GYPC: variants seen among roughly 807,000 people sequenced by gnomAD.
The protein encoded by GYPC is glycophorin-C.
In GYPC, 14 loss-of-function variants were observed where a neutral mutation model predicts 12.6. That is an observed-to-expected ratio of 1.11 (90% CI 0.74 to 1.74). The LOEUF (loss-of-function observed/expected upper bound fraction) is 1.74, where lower values mean the gene tolerates loss of function less well. Among genes scored for constraint, GYPC ranks in the 40% most tolerant of loss-of-function variants. The pLI, the probability that GYPC is intolerant of heterozygous loss-of-function variation, is 0.00. For synonymous variants in GYPC, 78 were observed against 62.1 expected, an observed-to-expected ratio of 1.26 and a Z score of -1.20; for missense variants, 225 against 172.1, an observed-to-expected ratio of 1.31 and a Z score of -1.72.
At chr2:126,691,870 G>A (rs1683476678) in intron 2 of GYPC, among the ~76,000 whole-genome samples, 1 of 152,044 alleles carries the variant, frequency 6.6e-6, no homozygotes, top group Admixed American at 6.6e-5. Flanking sequence ...ATTTCTGAGG[G>A]CAGTTCTGGG....
At chr2:126,664,522 C>T (rs2104773056) in intron 1 of GYPC, among the ~76,000 whole-genome samples, 1 of 152,290 alleles carries the variant, frequency 6.6e-6, no homozygotes, top group East Asian at 1.9e-4. Flanking sequence ...TTCTAGAGGC[C>T]CACAACAGTA....
intron 1 of GYPC, among the ~76,000 whole-genome samples, chr2:126,666,575 T>A (rs1682684603): frequency 6.6e-6 from 1 of 152,178 alleles, no homozygotes; most frequent in Non-Finnish European, 1.5e-5. Flanking sequence ...CTGTCTCCTT[T>A]GTGAGTGTAC....
Position 126,686,973 on chromosome 2 carries a change from C to A in GYPC, c.50-3282C>A, listed in dbSNP as rs1683309930. Among the ~76,000 whole-genome samples the A allele has an allele frequency of 2.0e-5, 3 of 152,274 alleles. No homozygotes were observed. The South Asian group carries it at 6.2e-4, about 32-fold the overall frequency. On this transcript the variant is annotated intron_variant, in intron 1 of 3. Transcript: ENST00000259254. The stretch of plus-strand genomic sequence containing the variant: ...CCAGGCCCCTTAAGCTGGATGCAGA[C>A]CAACCACCTACTTTCTGGGCTGGAT...
chr2:126,684,771 T>A (rs1683240063), intron 1 of GYPC, among the ~76,000 whole-genome samples: 2 of 152,188 alleles, frequency 1.3e-5, no homozygotes, highest in South Asian at 4.1e-4. Flanking sequence ...CCCATTGCCA[T>A]AGAATCCTAG....
At chr2:126,665,971 C>T (rs1170065334) in intron 1 of GYPC, among the ~76,000 whole-genome samples, 1 of 152,174 alleles carries the variant, frequency 6.6e-6, no homozygotes, top group Non-Finnish European at 1.5e-5. Context: ...GAGGGGGCTG[C>T]CCATGACCCC....
intron 1 of GYPC, among the ~76,000 whole-genome samples, chr2:126,688,713 C>T (rs28387196): frequency 0.013 from 2,018 of 151,762 alleles, 50 homozygotes; most frequent in African/African-American, 0.046. Context: ...GCTTGGCCCA[C>T]CTGCTTCCTG....
intron 1 of GYPC, among the ~76,000 whole-genome samples, chr2:126,677,408 TGTAA>T (rs1266597502): frequency 4.6e-5 from 7 of 151,274 alleles, no homozygotes; most frequent in Admixed American, 2.0e-4. Context: ...TGTTAGAGTG[TGTAA>T]GTGTGTGAGA....
At chr2:126,687,934 G>C (rs2104802198) in intron 1 of GYPC, among the ~76,000 whole-genome samples, 1 of 152,266 alleles carries the variant, frequency 6.6e-6, no homozygotes, top group African/African-American at 2.4e-5. Context: ...ACACTTTGCA[G>C]TGCCCTGTAA....
chr2:126,687,460 G>A (rs946953709), intron 1 of GYPC, among the ~76,000 whole-genome samples: 1 of 152,192 alleles, frequency 6.6e-6, no homozygotes, highest in Non-Finnish European at 1.5e-5. Context: ...GAGAATTGCT[G>A]TCTCACAGCA....
chr2:126,664,951 T>TTCTCTCTC (rs143811361), intron 1 of GYPC, among the ~76,000 whole-genome samples: 98 of 148,756 alleles, frequency 6.6e-4, no homozygotes, highest in Middle Eastern at 3.5e-3. Flanking sequence ...CTTGCTGTCT[T>TTCTCTCTC]TCTCTCTCTC....
intron 1 of GYPC, among the ~76,000 whole-genome samples, chr2:126,689,868 G>C (rs1433970709): frequency 2.6e-5 from 4 of 152,198 alleles, no homozygotes; most frequent in Non-Finnish European, 5.9e-5. Flanking sequence ...TGAGACACCT[G>C]GTGTGAGCAT....
chr2:126,695,372 G>A (rs931706564), intron 3 of GYPC, among the ~76,000 whole-genome samples: 1 of 152,168 alleles, frequency 6.6e-6, no homozygotes, highest in Admixed American at 6.5e-5. Context: ...AGGGAAGGAA[G>A]GAGAGGAGGG....
intron 1 of GYPC, chr2:126,680,188 T>G (rs1683115906): frequency 6.6e-6 from 1 of 152,198 alleles, no homozygotes; most frequent in Non-Finnish European, 1.5e-5. Context: ...AGCCAAATTG[T>G]TAATGAAAGA....
chr2:126,682,860 A>G (rs982442879), intron 1 of GYPC, among the ~76,000 whole-genome samples: 1 of 152,168 alleles, frequency 6.6e-6, no homozygotes, highest in Admixed American at 6.5e-5. Context: ...ACCAAGCCCC[A>G]GGAGCTTCCC....
intron 1 of GYPC, among the ~76,000 whole-genome samples, chr2:126,674,424 G>A (rs978506446): frequency 6.7e-6 from 1 of 149,434 alleles, no homozygotes; most frequent in East Asian, 2.0e-4. Context: ...TGGGGGCTAT[G>A]GGCAACAGGA....
intron 1 of GYPC, among the ~76,000 whole-genome samples, chr2:126,681,208 GT>G (rs1334962443): frequency 6.6e-6 from 1 of 152,114 alleles, no homozygotes; most frequent in Non-Finnish European, 1.5e-5. Flanking sequence ...TTGTTTTAAG[GT>G]TTTTGTGGAA....
chr2:126,696,024 C>G lies in GYPC; in HGVS notation c.269C>G (p.Thr90Arg). The G allele has an allele frequency of 1.2e-6, 2 of 1,614,040 alleles. No homozygotes were observed. Among genetic ancestry groups the G allele is most frequent in the Non-Finnish European group, 1.7e-6 (2 of 1,179,886 alleles). ...CGCTACATGTACCGGCACAAGGGCACGTACCACACCAATGAGGCCAAGGGC... is the reference window on the plus strand; with the variant it reads ...CGCTACATGTACCGGCACAAGGGCAGGTACCACACCAATGAGGCCAAGGGC... ...MLRYMYRHKG[T>R]YHTNEAKGTE... The change falls in exon 4 of 4, where the codon ACG (threonine) becomes AGG (arginine). Residue 90 changes from threonine to arginine, a missense_variant. Coordinates refer to ENST00000259254, the MANE Select transcript of GYPC (RefSeq NM_002101.5).
chr2:126,695,681 T>A (rs1002845880), intron 3 of GYPC, among the ~76,000 whole-genome samples: 1 of 96,518 alleles, frequency 1.0e-5, no homozygotes, highest in Non-Finnish European at 2.1e-5. Flanking sequence ...TTTAGGTTAA[T>A]GTTAAGTGTT....
chr2:126,696,092 C>A lies in GYPC; in HGVS notation c.337C>A (p.Pro113Thr), dbSNP rs766852760. The change falls in exon 4 of 4, where the codon CCT (proline) becomes ACT (threonine). Residue 113 changes from proline to threonine, a missense_variant. Coordinates refer to ENST00000259254, the MANE Select transcript of GYPC (RefSeq NM_002101.5). ...TGCAGATGCAGCCCTGCAGGGAGAC[C>A]CTGCCCTCCAAGATGCTGGTGATAG... ...ESADAALQGD[P>T]ALQDAGDSSR... 6.2e-7 allele frequency: 1 copy of A among 1,614,088 alleles called. No homozygotes were observed. Among genetic ancestry groups the A allele is most frequent in the South Asian group, 1.1e-5 (1 of 91,078 alleles).
Sources: allele counts gnomAD v4.1 joint callset (sites outside exome capture counted in the v4.1 genomes callset), GRCh38; gene constraint gnomAD v4.1.1; transcripts MANE v1.5; gene names NCBI Gene and HGNC (gene_info 2026-07-23, HGNC 2026-07-21).